CSMD1: variants seen among roughly 807,000 people sequenced by gnomAD.
The protein encoded by CSMD1 is CUB and sushi domain-containing protein 1.
A neutral mutation model predicts 417.5 loss-of-function variants in CSMD1; 213 were observed. That is an observed-to-expected ratio of 0.51 (90% CI 0.46 to 0.57). CSMD1 has a LOEUF of 0.57. Among genes scored for constraint, CSMD1 ranks in the 20% least tolerant of loss-of-function variants. The pLI is 0.00. For missense variants in CSMD1, 6,923 were observed against 4,529.7 expected, an observed-to-expected ratio of 1.53 and a Z score of -15.17; for synonymous variants, 2,862 against 1,736.8, an observed-to-expected ratio of 1.65 and a Z score of -16.11.
At chr8:3,533,331 A>G (rs923498596) in intron 10 of CSMD1, among the ~76,000 whole-genome samples, 4 of 152,182 alleles carry the variant, frequency 2.6e-5, no homozygotes, top group Admixed American at 6.5e-5. Flanking sequence ...TGTACAGCAG[A>G]TCTCTAGAAC....
At chr8:3,963,995 G>C (rs1160417218) in intron 5 of CSMD1, among the ~76,000 whole-genome samples, 1 of 152,032 alleles carries the variant, frequency 6.6e-6, no homozygotes, top group Non-Finnish European at 1.5e-5. Context: ...ATGAGTTGAA[G>C]CATCCCCAGA....
intron 1 of CSMD1, among the ~76,000 whole-genome samples, chr8:4,781,673 T>C (rs1170870809): frequency 1.3e-5 from 2 of 152,208 alleles, no homozygotes; most frequent in African/African-American, 4.8e-5. Context: ...TAAAATGGTA[T>C]CGGTCATGAA....
intron 51 of CSMD1, among the ~76,000 whole-genome samples, chr8:3,018,969 G>A (rs759765958): frequency 6.6e-6 from 1 of 152,126 alleles, no homozygotes; most frequent in Non-Finnish European, 1.5e-5. Flanking sequence ...CCAGGTTGGA[G>A]TGCAGTGGCG....
chr8:4,588,899 G>A (rs1185761375), intron 2 of CSMD1, among the ~76,000 whole-genome samples: 1 of 151,748 alleles, frequency 6.6e-6, no homozygotes, highest in Non-Finnish European at 1.5e-5. Flanking sequence ...AACACTCCAG[G>A]GTGCCCTTTC....
At chr8:4,190,115 C>T (rs1306911986) in intron 3 of CSMD1, among the ~76,000 whole-genome samples, 1 of 151,606 alleles carries the variant, frequency 6.6e-6, no homozygotes, top group Non-Finnish European at 1.5e-5. Flanking sequence ...AAAAATGAGC[C>T]GGGCGTGGTG....
intron 21 of CSMD1, among the ~76,000 whole-genome samples, chr8:3,354,622 G>A (rs1470256398): frequency 6.6e-6 from 1 of 151,796 alleles, no homozygotes; most frequent in African/African-American, 2.4e-5. Flanking sequence ...ACTATTTTTA[G>A]CCCATTCATT....
intron 5 of CSMD1, among the ~76,000 whole-genome samples, chr8:3,883,396 G>A (rs940796138): frequency 6.6e-6 from 1 of 152,040 alleles, no homozygotes; most frequent in African/African-American, 2.4e-5. Context: ...GTTTTAAACT[G>A]GGTGTATGTG....
At chr8:3,314,198 C>G (rs1428447422) in intron 23 of CSMD1, among the ~76,000 whole-genome samples, 3 of 151,830 alleles carry the variant, frequency 2.0e-5, no homozygotes, top group Admixed American at 6.6e-5. Context: ...TGCAGCACAC[C>G]AACATGGCAC....
chr8:4,175,821 T>C lies in CSMD1; in HGVS notation c.416-143722A>G, dbSNP rs754462750. On this transcript the variant is annotated intron_variant, in intron 3 of 69. Coordinates refer to ENST00000635120, the MANE Select transcript of CSMD1 (RefSeq NM_033225.6). The stretch of plus-strand genomic sequence containing the variant: ...GGCAATACAACAGCATATATAAAAG[T>C]ATGCAGAGTGAAAGTAACTGGAAAG... Among the ~76,000 whole-genome samples the C allele has an allele frequency of 2.8e-4, 43 of 152,216 alleles. 1 individual carries two copies. The highest frequency in any genetic ancestry group is 5.4e-4 in the Non-Finnish European group (37 of 68,010).
chr8:3,262,183 GA>G (rs143292375), intron 26 of CSMD1, among the ~76,000 whole-genome samples: 1 of 54,726 alleles, frequency 1.8e-5, no homozygotes, highest in African/African-American at 7.5e-5. Flanking sequence ...ATGCTCATAT[GA>G]ATATATATAT....
intron 1 of CSMD1, among the ~76,000 whole-genome samples, chr8:4,970,291 G>T (rs542646925): frequency 2.6e-5 from 4 of 152,070 alleles, no homozygotes; most frequent in Non-Finnish European, 5.9e-5. Flanking sequence ...TAGATCATTT[G>T]TCTGTAAAAT....
At chr8:4,449,292 C>G (rs535843947) in intron 2 of CSMD1, among the ~76,000 whole-genome samples, 1 of 152,086 alleles carries the variant, frequency 6.6e-6, no homozygotes, top group Non-Finnish European at 1.5e-5. Flanking sequence ...AATGTTTTAC[C>G]AGGAGCAGAT....
intron 8 of CSMD1, among the ~76,000 whole-genome samples, chr8:3,610,910 G>A (rs1009670089): frequency 1.3e-5 from 2 of 151,930 alleles, no homozygotes; most frequent in African/African-American, 2.4e-5. Flanking sequence ...AAACAATGAT[G>A]GGAAAAACTG....
intron 2 of CSMD1, among the ~76,000 whole-genome samples, chr8:4,552,947 C>T (rs983292952): frequency 1.3e-5 from 2 of 152,196 alleles, no homozygotes; most frequent in African/African-American, 4.8e-5. Flanking sequence ...GGCCTTCCCT[C>T]CCGTCTCTTT....
At chr8:4,167,563 C>G (rs532040566) in intron 3 of CSMD1, among the ~76,000 whole-genome samples, 4 of 152,156 alleles carry the variant, frequency 2.6e-5, no homozygotes, top group African/African-American at 7.2e-5. Flanking sequence ...CAGAAATTAG[C>G]AGCAAAAATT....
intron 5 of CSMD1, among the ~76,000 whole-genome samples, chr8:3,799,608 A>G (rs73658274): frequency 0.024 from 3,711 of 152,074 alleles, 50 homozygotes; most frequent in South Asian, 0.035. Flanking sequence ...GGTACAGTAA[A>G]GAAAGACCCC....
intron 2 of CSMD1, among the ~76,000 whole-genome samples, chr8:4,588,514 G>T (rs1393038728): frequency 2.0e-5 from 3 of 151,686 alleles, no homozygotes; most frequent in Admixed American, 6.6e-5. Flanking sequence ...CTCTACTCTG[G>T]CCGGGCATGG....
chr8:4,771,518 G>A (rs1416395631), intron 1 of CSMD1, among the ~76,000 whole-genome samples: 2 of 152,184 alleles, frequency 1.3e-5, no homozygotes, highest in African/African-American at 4.8e-5. Context: ...GATTCATTTA[G>A]AAGTTATTAG....
At chr8:4,141,735 C>A (rs76589390) in intron 3 of CSMD1, among the ~76,000 whole-genome samples, 44,620 of 150,752 alleles carry the variant, frequency 0.3, 8,331 homozygotes, top group Non-Finnish European at 0.39. Context: ...CAACTAAAAA[C>A]GGATACAGTG....
Sources: gnomAD v4.1 joint callset for allele counts (sites outside exome capture counted in the v4.1 genomes callset) on GRCh38, gnomAD v4.1.1 for gene constraint, MANE v1.5 for transcripts, NCBI Gene and HGNC (gene_info 2026-07-23, HGNC 2026-07-21) for gene names.